Variants in COL27A1 observed in about 807,000 individuals in gnomAD.
The protein encoded by COL27A1 is collagen alpha-1(XXVII) chain.
A neutral mutation model predicts 251.3 loss-of-function variants in COL27A1; 106 were observed. That is an observed-to-expected ratio of 0.42 (90% CI 0.36 to 0.50). The LOEUF (loss-of-function observed/expected upper bound fraction) is 0.50. Among genes scored for constraint, COL27A1 ranks in the 20% least tolerant of loss-of-function variants. The pLI is 0.00. For missense variants in COL27A1, 2,325 were observed against 2,522.8 expected (o/e 0.92, Z 1.68); for synonymous variants, 1,000 against 986.3 (o/e 1.01, Z -0.26).
chr9:114,300,144 C>T lies in COL27A1; in HGVS notation c.4638+21C>T, dbSNP rs924914226. ...CCAAGGTATGGACTCCCACGGCTCA[C>T]TGTTCCTGTGGGGTCCCATCCATTC... is the stretch of plus-strand genomic sequence containing the variant. On this transcript the variant is annotated intron_variant, in intron 50 of 60. Transcript: ENST00000356083. The T allele has an allele frequency of 5.0e-6, 8 of 1,610,584 alleles. No individual in the cohort carries two copies. In the African/African-American group the frequency reaches 1.1e-4, roughly 22 times the overall value.
intron 14 of COL27A1, among the ~76,000 whole-genome samples, chr9:114,227,365 G>A (rs1185769388): frequency 7.1e-6 from 1 of 141,798 alleles, no homozygotes; most frequent in East Asian, 2.0e-4. Context: ...AGCATGGACT[G>A]TGGGGTCAGA....
At chr9:114,216,460 C>T (rs772093155) in intron 12 of COL27A1, among the ~76,000 whole-genome samples, 1 of 152,212 alleles carries the variant, frequency 6.6e-6, no homozygotes, top group African/African-American at 2.4e-5. Flanking sequence ...GCTCAGCAGC[C>T]GCCACCCTAA....
chr9:114,275,751 G>T lies in COL27A1; in HGVS notation c.3700G>T (p.Gly1234Cys). ...TGAGGACGGGCCCCCCGGCCCCCCT[G>T]GCGTCACTGGTGTCCGGGTGAGTGT... ...MGEDGPPGPP[G>C]VTGVRGPEGK... is the part of the protein sequence containing the mutation. The change falls in exon 37 of 61, where the codon GGC becomes TGC. Residue 1234 changes from glycine to cysteine, a missense_variant. Gly to Cys is a radical substitution (Grantham distance 159). This residue lies in a region of COL27A1 where 662 missense variants were observed against 795.3 expected (regional missense o/e 0.83). Coordinates refer to ENST00000356083, the MANE Select transcript of COL27A1 (RefSeq NM_032888.4). 1 of 1,548,032 alleles carries T rather than the reference G, an allele frequency of 6.5e-7. No individual in the cohort carries two copies. The highest frequency in any genetic ancestry group is 8.7e-7 in the Non-Finnish European group (1 of 1,146,252).
chr9:114,164,965 C>T (rs1166459898), intron 2 of COL27A1, among the ~76,000 whole-genome samples: 1 of 152,186 alleles, frequency 6.6e-6, no homozygotes, highest in Non-Finnish European at 1.5e-5. Flanking sequence ...AACATTGTAA[C>T]ACCTGTGCTA....
chr9:114,255,303 C>T (rs1564530188), intron 27 of COL27A1, among the ~76,000 whole-genome samples: 1 of 152,124 alleles, frequency 6.6e-6, no homozygotes, highest in Non-Finnish European at 1.5e-5. Flanking sequence ...CGGCCTCCCT[C>T]CCAGTGGTCA....
At chr9:114,164,369 T>C (rs1864723) in intron 2 of COL27A1, among the ~76,000 whole-genome samples, 36,464 of 152,184 alleles carry the variant, frequency 0.24, 4,598 homozygotes, top group Middle Eastern at 0.37. Flanking sequence ...GTCTGACTCA[T>C]AGCAGCTCTG....
intron 4 of COL27A1, among the ~76,000 whole-genome samples, chr9:114,179,411 C>T (rs538059802): frequency 4.2e-4 from 64 of 152,312 alleles, no homozygotes; most frequent in African/African-American, 1.2e-3. Context: ...AGGATGAGGC[C>T]GTTGACCTAG....
At chr9:114,189,032 A>C (rs1402232887) in intron 5 of COL27A1, among the ~76,000 whole-genome samples, 2 of 152,194 alleles carry the variant, frequency 1.3e-5, no homozygotes, top group African/African-American at 4.8e-5. Context: ...ACAAATAGAA[A>C]TGTTATCCTT....
intron 3 of COL27A1, among the ~76,000 whole-genome samples, chr9:114,176,953 G>C (rs1012362542): frequency 5.3e-5 from 8 of 152,170 alleles, no homozygotes. Context: ...TTTCAACACC[G>C]ATTTTAACTC....
rs777719783 is a variant in COL27A1 at position 114,168,129 on chromosome 9, G to A, written c.574G>A (p.Asp192Asn). The A allele has an allele frequency of 3.1e-6, 5 of 1,612,900 alleles. 1 individual carries two copies. Among genetic ancestry groups the A allele is most frequent in the Admixed American group, 3.3e-5 (2 of 60,028 alleles). ...LLPFHRDPALDPGGSFLFGKM... is the reference protein window; with the variant it reads ...LLPFHRDPALNPGGSFLFGKM... The stretch of plus-strand genomic sequence containing the variant: ...GCCTTTCCACAGGGACCCTGCACTC[G>A]ACCCTGGGGGCTCCTTCCTCTTTGG... The change falls in exon 3 of 61, where the codon GAC becomes AAC. Residue 192 changes from aspartate to asparagine, a missense_variant. Asp to Asn is a conservative substitution (Grantham distance 23, BLOSUM62 1). Transcript: ENST00000356083.
intron 7 of COL27A1, 68 bp from the exon 8 acceptor site, chr9:114,205,034 G>A (rs1342309724): frequency 1.3e-6 from 2 of 1,490,576 alleles, no homozygotes; most frequent in Non-Finnish European, 1.9e-6. Flanking sequence ...CCGGGAGGCT[G>A]GGCCCTTGCG....
At chr9:114,205,061 G>A (rs1175424331) in intron 7 of COL27A1, 41 bp from the exon 8 acceptor site, 2 of 1,603,702 alleles carry the variant, frequency 1.2e-6, no homozygotes, top group African/African-American at 1.3e-5. Context: ...AGGACCAGAT[G>A]TGTCCTCCCT....
At chr9:114,211,711 T>C (rs1830383030) in intron 12 of COL27A1, among the ~76,000 whole-genome samples, 1 of 152,236 alleles carries the variant, frequency 6.6e-6, no homozygotes, top group South Asian at 2.1e-4. Context: ...GTGTCTTTGA[T>C]CTCAGTGGCT....
At chr9:114,288,077 A>C (rs1827638613) in intron 41 of COL27A1, among the ~76,000 whole-genome samples, 1 of 151,420 alleles carries the variant, frequency 6.6e-6, no homozygotes, top group Non-Finnish European at 1.5e-5. Flanking sequence ...CCTTCACCCC[A>C]CCCCACTCCG....
intron 3 of COL27A1, among the ~76,000 whole-genome samples, chr9:114,174,441 GA>G (rs1432988730): frequency 6.6e-6 from 1 of 152,144 alleles, no homozygotes; most frequent in South Asian, 2.1e-4. Flanking sequence ...GGCCATGGGC[GA>G]ATACAGCTGC....
chr9:114,270,606 G>A, intron 35 of COL27A1, 122 bp from the exon 36 acceptor site: 1 of 703,352 alleles, frequency 1.4e-6, no homozygotes, highest in Non-Finnish European at 2.4e-6. Flanking sequence ...GGGCCCCCAG[G>A]GTCCCACTGC....
rs561434572 is a variant in COL27A1 at position 114,162,137 on chromosome 9, A to G, written c.63-578A>G. 8.5e-5 allele frequency among the ~76,000 whole-genome samples: 13 copies of G among 152,280 alleles called. No homozygotes were observed. In the East Asian group the frequency reaches 1.7e-3, roughly 20 times the overall value. ...CCCACTTTCCATTAGGATAAAGCCA[A>G]GTTGGGAGCTGCCTTCACACAGCAC... On this transcript the variant is annotated intron_variant, in intron 1 of 60. Coordinates refer to ENST00000356083, the MANE Select transcript of COL27A1 (RefSeq NM_032888.4).
At chr9:114,296,055 T>A (rs1828237306) in intron 49 of COL27A1, among the ~76,000 whole-genome samples, 1 of 152,214 alleles carries the variant, frequency 6.6e-6, no homozygotes, top group South Asian at 2.1e-4. Context: ...GTACAAAAAT[T>A]AGCTCAACCT....
At chr9:114,277,863 C>CT (rs1247000685) in intron 37 of COL27A1, among the ~76,000 whole-genome samples, 2 of 152,098 alleles carry the variant, frequency 1.3e-5, no homozygotes, top group Non-Finnish European at 2.9e-5. Flanking sequence ...TCTAGGGACC[C>CT]TTTTTTAGTG....
Sources: gnomAD v4.1 joint callset for allele counts (sites outside exome capture counted in the v4.1 genomes callset) on GRCh38, gnomAD v4.1.1 for gene constraint, gnomAD v4.1.1 regional missense constraint, MANE v1.5 for transcripts, NCBI Gene and HGNC (gene_info 2026-07-23, HGNC 2026-07-21) for gene names.